Variants in L2HGDH observed in about 807,000 individuals in gnomAD.
L2HGDH encodes the protein L-2-hydroxyglutarate dehydrogenase, mitochondrial.
Under a neutral mutation model 51.5 loss-of-function variants are expected in L2HGDH, and 34 were observed. That is an observed-to-expected ratio of 0.66 (90% CI 0.50 to 0.88). L2HGDH has a LOEUF of 0.88. Among genes scored for constraint, L2HGDH ranks in the 40% least tolerant of loss-of-function variants. L2HGDH has a pLI of 0.00. For missense variants in L2HGDH, 558 were observed against 571.9 expected (o/e 0.98, Z 0.25); for synonymous variants, 198 against 197.9 (o/e 1.00, Z -0.01).
intron 9 of L2HGDH, among the ~76,000 whole-genome samples, chr14:50,249,220 T>C (rs1181390297): frequency 6.6e-6 from 1 of 152,060 alleles, no homozygotes; most frequent in African/African-American, 2.4e-5. Flanking sequence ...CTAGATAAAC[T>C]TGAAATACAG....
rs533899160 is a variant in L2HGDH at position 50,248,777 on chromosome 14, G to A, written c.1197-1524C>T. ...AAAAGAAGCCTACAAACATTGGTTC[G>A]GCTGCTAGAACACCAAATTTTAACT... On this transcript the variant is annotated intron_variant, in intron 9 of 9. Coordinates refer to ENST00000267436, the MANE Select transcript of L2HGDH (RefSeq NM_024884.3). Among the ~76,000 whole-genome samples, 29 of 152,258 alleles carry A rather than the reference G, an allele frequency of 1.9e-4. No individual in the cohort carries two copies. The South Asian group carries it at 6.0e-3, about 32-fold the overall frequency.
chr14:50,248,571 G>A (rs1420163972), intron 9 of L2HGDH, among the ~76,000 whole-genome samples: 1 of 152,238 alleles, frequency 6.6e-6, no homozygotes, highest in East Asian at 1.9e-4. Context: ...AAATCACAGA[G>A]CTATACTATT....
intron 9 of L2HGDH, among the ~76,000 whole-genome samples, chr14:50,254,127 T>C (rs1357467678): frequency 2.0e-5 from 3 of 152,200 alleles, no homozygotes; most frequent in South Asian, 2.1e-4. Flanking sequence ...TAGTATTTGA[T>C]AGCACGACAG....
chr14:50,312,213 G>A lies in L2HGDH; in HGVS notation c.-63C>T, dbSNP rs1344237654. The A allele has an allele frequency of 1.9e-6, 3 of 1,589,514 alleles. No individual in the cohort carries two copies. Among genetic ancestry groups the A allele is most frequent in the Non-Finnish European group, 2.6e-6 (3 of 1,171,914 alleles). On this transcript the variant is annotated 5_prime_UTR_variant, in exon 1 of 10. Coordinates refer to ENST00000267436, the MANE Select transcript of L2HGDH (RefSeq NM_024884.3). ...AGCCACTTGACCCTCCACGGCCGAG[G>A]ACCCGCGCTCTTTAGCCCCGCCCCT...
chr14:50,259,788 T>C (rs926196195), intron 9 of L2HGDH, among the ~76,000 whole-genome samples: 1 of 151,800 alleles, frequency 6.6e-6, no homozygotes, highest in Non-Finnish European at 1.5e-5. Context: ...GAGCTGAGAC[T>C]GCGCCACTGC....
chr14:50,275,822 T>C (rs1056336343), intron 6 of L2HGDH, among the ~76,000 whole-genome samples: 1 of 152,216 alleles, frequency 6.6e-6, no homozygotes, highest in Non-Finnish European at 1.5e-5. Context: ...GGTTCCTTAC[T>C]ATTACCTCAA....
intron 4 of L2HGDH, among the ~76,000 whole-genome samples, chr14:50,284,909 C>T (rs1276468067): frequency 2.0e-5 from 3 of 152,200 alleles, no homozygotes; most frequent in Non-Finnish European, 4.4e-5. Flanking sequence ...GTATTCACCA[C>T]CTGACCATCA....
At chr14:50,292,658 A>C (rs1222110567) in intron 4 of L2HGDH, among the ~76,000 whole-genome samples, 1 of 152,258 alleles carries the variant, frequency 6.6e-6, no homozygotes, top group East Asian at 1.9e-4. Flanking sequence ...GTGAGCTGAG[A>C]TTGCGCCATT....
At chr14:50,268,471 A>AG (rs1333067973) in intron 7 of L2HGDH, among the ~76,000 whole-genome samples, 7 of 152,136 alleles carry the variant, frequency 4.6e-5, no homozygotes, top group Admixed American at 4.6e-4. Flanking sequence ...GGAAAAAAAA[A>AG]AGATGAACTG....
chr14:50,252,235 A>G (rs1219770486), intron 9 of L2HGDH, among the ~76,000 whole-genome samples: 4 of 152,104 alleles, frequency 2.6e-5, no homozygotes, highest in Admixed American at 2.6e-4. Flanking sequence ...AGTATTTGCA[A>G]GCCTCATGGT....
rs936052668 is a variant in L2HGDH at position 50,247,334 on chromosome 14, G to A, written c.1197-81C>T. 28 of 1,549,880 alleles carry A rather than the reference G, an allele frequency of 1.8e-5. No homozygotes were observed. The Admixed American group carries it at 3.8e-4, about 21-fold the overall frequency. ...GTCAGCGTTTCCAAAAAGTCTTAAA[G>A]CAATAAAGTATTCTTCTAAATGCAC... On this transcript the variant is annotated intron_variant, in intron 9 of 9. Coordinates refer to ENST00000267436, the MANE Select transcript of L2HGDH (RefSeq NM_024884.3).
intron 3 of L2HGDH, among the ~76,000 whole-genome samples, chr14:50,300,919 G>A (rs1329322957): frequency 6.6e-6 from 1 of 152,080 alleles, no homozygotes; most frequent in African/African-American, 2.4e-5. Context: ...TGATCTCCCA[G>A]GCTCAAGCAG....
intron 9 of L2HGDH, among the ~76,000 whole-genome samples, chr14:50,256,549 C>G (rs1395787627): frequency 5.3e-5 from 8 of 151,344 alleles, no homozygotes; most frequent in Non-Finnish European, 1.0e-4. Flanking sequence ...AAGCATTTTT[C>G]TAGCACATAG....
At position 50,244,667 on chromosome 14, in the gene L2HGDH, A is replaced by G. The variant is rs145800000; in HGVS notation, c.*2391T>C. ...CTACTCTGTTTACCTGGGATGTGCTACTTCTTAAACATGAGCTGATGAAGT... is the reference window on the plus strand; with the variant it reads ...CTACTCTGTTTACCTGGGATGTGCTGCTTCTTAAACATGAGCTGATGAAGT... On this transcript the variant is annotated 3_prime_UTR_variant, in exon 10 of 10. Coordinates refer to ENST00000267436, the MANE Select transcript of L2HGDH (RefSeq NM_024884.3). 1.0e-6 allele frequency: 1 copy of G among 985,434 alleles called. No homozygotes were observed. Among genetic ancestry groups the G allele is most frequent in the East Asian group, 1.1e-4 (1 of 8,824 alleles). 61.0% of individuals were successfully genotyped at this position (985,434 alleles called of 1,614,324 possible).
chr14:50,279,573 C>T (rs1890147345), intron 5 of L2HGDH, among the ~76,000 whole-genome samples: 1 of 152,000 alleles, frequency 6.6e-6, no homozygotes, highest in African/African-American at 2.4e-5. Flanking sequence ...AGCACAGTGG[C>T]TCATGCCTGT....
chr14:50,271,346 A>G (rs949383300), intron 6 of L2HGDH, among the ~76,000 whole-genome samples: 8 of 152,234 alleles, frequency 5.3e-5, no homozygotes, highest in Non-Finnish European at 1.2e-4. Flanking sequence ...AATTTATAAA[A>G]TGGTACCAGC....
At chr14:50,265,788 C>T (rs1412345866) in intron 8 of L2HGDH, among the ~76,000 whole-genome samples, 2 of 152,146 alleles carry the variant, frequency 1.3e-5, no homozygotes, top group Non-Finnish European at 2.9e-5. Context: ...GTGGTGCACA[C>T]CTGTAATCCC....
At chr14:50,265,029 A>T (rs1299581881) in intron 9 of L2HGDH, among the ~76,000 whole-genome samples, 1 of 152,234 alleles carries the variant, frequency 6.6e-6, no homozygotes. Context: ...ATTTTTAAAA[A>T]TTCAGGCAAG....
Position 50,284,556 on chromosome 14 carries a change from C to T in L2HGDH, c.541-523G>A, listed in dbSNP as rs192939533. Among the ~76,000 whole-genome samples the T allele has an allele frequency of 2.9e-3, 440 of 152,292 alleles. 6 individuals carry two copies. The highest frequency in any genetic ancestry group is 6.8e-3 in the Middle Eastern group (2 of 294). ...GTTCATCAATCTGTAGATGAATGAC[C>T]TATATAACACATGCTTATTTTATTT... On this transcript the variant is annotated intron_variant, in intron 4 of 9. Coordinates refer to ENST00000267436, the MANE Select transcript of L2HGDH (RefSeq NM_024884.3).
Sources: allele counts gnomAD v4.1 joint callset (sites outside exome capture counted in the v4.1 genomes callset), GRCh38; gene constraint gnomAD v4.1.1; transcripts MANE v1.5; gene names NCBI Gene and HGNC (gene_info 2026-07-23, HGNC 2026-07-21).